The following PRR14L variants were observed in gnomAD, a reference collection of about 807,000 sequenced individuals.
The protein encoded by PRR14L is protein PRR14L.
A neutral mutation model predicts 155.0 loss-of-function variants in PRR14L; 80 were observed. The ratio of observed to expected loss-of-function variants is 0.52; its 90% CI spans 0.43 to 0.62. The LOEUF is 0.62. Among genes scored for constraint, PRR14L ranks in the 20% least tolerant of loss-of-function variants. PRR14L has a pLI of 0.00. For missense variants in PRR14L, 2,469 were observed against 2,548.0 expected (o/e 0.97, Z 0.67); for synonymous variants, 883 against 916.0 (o/e 0.96, Z 0.65).
At chr22:31,704,223 A>C (rs894742899) in intron 5 of PRR14L, among the ~76,000 whole-genome samples, 1 of 152,226 alleles carries the variant, frequency 6.6e-6, no homozygotes, top group African/African-American at 2.4e-5. Context: ...AATTACAAGA[A>C]TGTGTAATCC....
At chr22:31,737,670 T>C (rs141817464) in intron 2 of PRR14L, among the ~76,000 whole-genome samples, 1 of 151,362 alleles carries the variant, frequency 6.6e-6, no homozygotes, top group South Asian at 2.1e-4. Flanking sequence ...CATCACACTA[T>C]CATAGCTCAC....
chr22:31,745,859 A>ATATATAT (rs1414277985), intron 1 of PRR14L, among the ~76,000 whole-genome samples: 1 of 139,482 alleles, frequency 7.2e-6, no homozygotes, highest in African/African-American at 2.7e-5. Flanking sequence ...AAAAAAAAAA[A>ATATATAT]AAATATATAT....
At chr22:31,709,512 C>CT (rs137950566) in intron 4 of PRR14L, among the ~76,000 whole-genome samples, 1,711 of 148,348 alleles carry the variant, frequency 0.012, 44 homozygotes, top group African/African-American at 0.04. Flanking sequence ...ACGTGAGCTA[C>CT]TGCACCCAGA....
rs371393753 is a variant in PRR14L at position 31,712,706 on chromosome 22, C to G, written c.5133G>C (p.Leu1711=). The change falls in exon 4 of 9, where the codon CTG becomes CTC. Residue 1711 remains leucine, a synonymous_variant. Coordinates refer to ENST00000327423, the MANE Select transcript of PRR14L (RefSeq NM_173566.3). ...IDLSNKMPSL[L]FGSEIFPVSF... is the part of the protein sequence containing the mutation. ...ATACTGGGAAGATTTCAGAACCAAA[C>G]AGCAGGGACGGCATCTTGTTGCTCA... The G allele has an allele frequency of 2.6e-6, 4 of 1,551,622 alleles. No homozygotes were observed. The highest frequency in any genetic ancestry group is 1.7e-6 in the Non-Finnish European group (2 of 1,147,014).
intron 7 of PRR14L, among the ~76,000 whole-genome samples, chr22:31,692,395 A>G (rs551637343): frequency 6.6e-6 from 1 of 151,990 alleles, no homozygotes; most frequent in Admixed American, 6.6e-5. Context: ...TGTGGTTTTG[A>G]TTTGCAGTTC....
At chr22:31,729,930 A>G (rs1457706595) in intron 2 of PRR14L, among the ~76,000 whole-genome samples, 2 of 151,244 alleles carry the variant, frequency 1.3e-5, no homozygotes, top group Non-Finnish European at 1.5e-5. Flanking sequence ...TCCCAGCACT[A>G]TGGGAGGCCG....
chr22:31,726,092 T>C (rs961739141), intron 2 of PRR14L, among the ~76,000 whole-genome samples: 13 of 152,164 alleles, frequency 8.5e-5, no homozygotes, highest in African/African-American at 3.1e-4. Flanking sequence ...TTTCTACTTA[T>C]CTAGAATTTG....
At chr22:31,748,209 C>A (rs1035921561) in intron 1 of PRR14L, among the ~76,000 whole-genome samples, 9 of 152,194 alleles carry the variant, frequency 5.9e-5, no homozygotes, top group Admixed American at 2.0e-4. Flanking sequence ...GACATTGTAG[C>A]CATTCCCTCC....
chr22:31,717,331 A>G, intron 3 of PRR14L, 40 bp from the exon 4 acceptor site: 1 of 1,446,166 alleles, frequency 6.9e-7, no homozygotes, highest in Non-Finnish European at 9.3e-7. Context: ...ATGCAGTAAT[A>G]AAAAATCACT....
chr22:31,685,976 C>T (rs2074480152), intron 8 of PRR14L, among the ~76,000 whole-genome samples, 173 bp from the exon 9 acceptor site: 1 of 152,100 alleles, frequency 6.6e-6, no homozygotes, highest in Non-Finnish European at 1.5e-5. Context: ...CTCTTGTTGC[C>T]CAGGCTGGAG....
rs2074459596 is a variant in PRR14L at position 31,682,468 on chromosome 22, G to C, written c.*3059C>G. On this transcript the variant is annotated 3_prime_UTR_variant, in exon 9 of 9. Coordinates refer to ENST00000327423, the MANE Select transcript of PRR14L (RefSeq NM_173566.3). ...CAGTAAGAAAAAGTGGACATGATCTGCTTTAACAGGAGATGAGGTACAGCT... is the reference window on the plus strand; with the variant it reads ...CAGTAAGAAAAAGTGGACATGATCTCCTTTAACAGGAGATGAGGTACAGCT... 6.6e-6 allele frequency: 1 copy of C among 152,050 alleles called. No homozygotes were observed. Among genetic ancestry groups the C allele is most frequent in the Non-Finnish European group, 1.5e-5 (1 of 68,022 alleles). The allele number at this position is 152,050 out of a possible 1,614,324, so 9.4% of individuals were successfully genotyped here.
intron 4 of PRR14L, among the ~76,000 whole-genome samples, chr22:31,709,896 G>A (rs2074612140): frequency 6.6e-6 from 1 of 151,750 alleles, no homozygotes; most frequent in Admixed American, 6.6e-5. Context: ...GCCTCCCAAA[G>A]TGCTGGGACT....
rs929490284 is a variant in PRR14L, at chr22:31,747,227, C to T, written c.-52+2766G>A. Among the ~76,000 whole-genome samples the T allele has an allele frequency of 5.3e-5, 8 of 151,998 alleles. No homozygotes were observed. The East Asian group carries it at 1.6e-3, about 29-fold the overall frequency. On this transcript the variant is annotated intron_variant, in intron 1 of 8. Coordinates refer to ENST00000327423, the MANE Select transcript of PRR14L (RefSeq NM_173566.3). ...CCAGGTTCAAGCGATTCTCCTGCCT[C>T]AGCCTTCCTAGTAGCTGGGATTACA...
chr22:31,726,285 T>G (rs2074716439), intron 2 of PRR14L, among the ~76,000 whole-genome samples: 1 of 151,788 alleles, frequency 6.6e-6, no homozygotes, highest in Non-Finnish European at 1.5e-5. Flanking sequence ...CGCCCACCAC[T>G]ATGCCTAGCT....
At chr22:31,709,990 G>C (rs1260412601) in intron 4 of PRR14L, among the ~76,000 whole-genome samples, 2 of 151,938 alleles carry the variant, frequency 1.3e-5, no homozygotes, top group African/African-American at 2.4e-5. Flanking sequence ...GCCTAGGCTA[G>C]AGTGTAGTGG....
At position 31,685,450 on chromosome 22, in the gene PRR14L, C is replaced by CAAAAAAAAAAAAAAAACCCAAAAAAAA; in HGVS notation, c.*76_*77insTTTTTTTTGGGTTTTTTTTTTTTTTTT. 1 of 1,105,836 alleles carries CAAAAAAAAAAAAAAAACCCAAAAAAAA rather than the reference C, an allele frequency of 9.0e-7. No individual in the cohort carries two copies. The highest frequency in any genetic ancestry group is 1.2e-6 in the Non-Finnish European group (1 of 816,322). The allele number at this position is 1,105,836 out of a possible 1,614,324, so 68.5% of individuals were successfully genotyped here. A position where few individuals can be genotyped will look rare whatever the true frequency, so the allele number is the denominator to read the frequency against. The stretch of plus-strand genomic sequence containing the variant: ...TTAGGCAACCTTTTCCAAGGAGGTC[C>CAAAAAAAAAAAAAAAACCCAAAAAAAA]AAAAAAAAAAAAAAAACCCAAAAAC... On this transcript the variant is annotated 3_prime_UTR_variant, in exon 9 of 9. Coordinates refer to ENST00000327423, the MANE Select transcript of PRR14L (RefSeq NM_173566.3).
intron 3 of PRR14L, among the ~76,000 whole-genome samples, chr22:31,717,951 G>C (rs1174905716): frequency 6.7e-6 from 1 of 148,630 alleles, no homozygotes; most frequent in Non-Finnish European, 1.5e-5. Context: ...TTTTGAGATG[G>C]AGTCTTGCTC....
At chr22:31,689,938 G>A (rs2074502867) in intron 7 of PRR14L, among the ~76,000 whole-genome samples, 1 of 150,978 alleles carries the variant, frequency 6.6e-6, no homozygotes, top group Admixed American at 6.6e-5. Context: ...TTTCTTTTGA[G>A]ATGGAGTCTT....
chr22:31,733,126 T>C (rs2074759142), intron 2 of PRR14L, among the ~76,000 whole-genome samples: 1 of 151,790 alleles, frequency 6.6e-6, no homozygotes, highest in Non-Finnish European at 1.5e-5. Flanking sequence ...TAGCTGGGAT[T>C]ACAGGCGACC....
Sources: gnomAD v4.1 joint callset for allele counts (sites outside exome capture counted in the v4.1 genomes callset) on GRCh38, gnomAD v4.1.1 for gene constraint, MANE v1.5 for transcripts, NCBI Gene and HGNC (gene_info 2026-07-23, HGNC 2026-07-21) for gene names.